Variants in CNTLN observed in about 807,000 individuals in gnomAD.
CNTLN encodes the protein centlein.
Under a neutral mutation model 180.0 loss-of-function variants are expected in CNTLN, and 212 were observed. The ratio of observed to expected loss-of-function variants is 1.18; its 90% CI spans 1.05 to 1.32. The LOEUF is 1.32. Among genes scored for constraint, CNTLN ranks in the 40% most tolerant of loss-of-function variants. The pLI, the probability that CNTLN is intolerant of heterozygous loss-of-function variation, is 0.00. For synonymous variants in CNTLN, 722 were observed against 563.1 expected (o/e 1.28, Z -3.99); for missense variants, 2,095 against 1,610.9 (o/e 1.30, Z -5.14).
intron 12 of CNTLN, among the ~76,000 whole-genome samples, chr9:17,360,736 G>T (rs978969752): frequency 6.6e-6 from 1 of 152,006 alleles, no homozygotes; most frequent in South Asian, 2.1e-4. Flanking sequence ...ACGTCCTTCT[G>T]GTATTTATTT....
chr9:17,519,085 G>GTTATTTATTTATTATTTATTTAT, the CNTLN span, among the ~76,000 whole-genome samples: 1 of 151,126 alleles, frequency 6.6e-6, no homozygotes, highest in African/African-American at 2.5e-5. Context: ...ACCAGGCCTA[G>GTTATTTATTTATTATTTATTTAT]TTATTTATTT....
chr9:17,213,984 C>G (rs754670171), intron 2 of CNTLN, among the ~76,000 whole-genome samples: 2 of 152,160 alleles, frequency 1.3e-5, no homozygotes, highest in African/African-American at 2.4e-5. Context: ...ATACAGCACA[C>G]TGATGGGTCT....
rs1433666001 is a variant in CNTLN at position 17,235,664 on chromosome 9, T to C, written c.541T>C (p.Ser181Pro). Residue 181 changes from serine (S) to proline (P), a missense_variant, in exon 4 of 26, where the codon TCA becomes CCA. Ser to Pro is a moderately conservative substitution (Grantham distance 74). Transcript: ENST00000380647. ...AKIQEFEQRE[S>P]VLKQEINDLV... ...TTTAAATTTTTTTCCACAGAGAGAG[T>C]CAGTACTGAAACAGGAAATAAATGA... 1 of 1,586,932 alleles carries C rather than the reference T, an allele frequency of 6.3e-7. No homozygotes were observed. Among genetic ancestry groups the C allele is most frequent in the South Asian group, 1.2e-5 (1 of 85,714 alleles).
intron 10 of CNTLN, among the ~76,000 whole-genome samples, chr9:17,340,441 A>G (rs1191306918): frequency 6.6e-6 from 1 of 152,184 alleles, no homozygotes; most frequent in Non-Finnish European, 1.5e-5. Context: ...TCTTATACTA[A>G]TTATATTTGC....
At chr9:17,282,170 C>T (rs1179128851) in intron 6 of CNTLN, among the ~76,000 whole-genome samples, 1 of 152,084 alleles carries the variant, frequency 6.6e-6, no homozygotes, top group Non-Finnish European at 1.5e-5. Context: ...ACCATGTTGG[C>T]CAGGATGGTC....
At chr9:17,209,769 A>G (rs999994065) in intron 2 of CNTLN, among the ~76,000 whole-genome samples, 18 of 152,284 alleles carry the variant, frequency 1.2e-4, no homozygotes, top group African/African-American at 4.3e-4. Flanking sequence ...ACTATAATTC[A>G]CCCATGACTT....
intron 6 of CNTLN, among the ~76,000 whole-genome samples, chr9:17,281,084 C>T (rs1373975637): frequency 6.6e-6 from 1 of 152,084 alleles, no homozygotes; most frequent in Non-Finnish European, 1.5e-5. Context: ...GTCCTTACAT[C>T]TTGGCTTTCT....
chr9:17,341,000 G>A (rs765891808), intron 11 of CNTLN, 52 bp downstream of exon 11: 52 of 1,533,418 alleles, frequency 3.4e-5, no homozygotes, highest in Non-Finnish European at 4.1e-5. Context: ...ATGGAATGGA[G>A]TAGCATTATA....
intron 5 of CNTLN, among the ~76,000 whole-genome samples, chr9:17,263,690 C>G (rs1056284278): frequency 2.1e-5 from 3 of 141,914 alleles, no homozygotes; most frequent in African/African-American, 8.3e-5. Context: ...TTCTGCACAT[C>G]CTCTCCAGCC....
intron 2 of CNTLN, among the ~76,000 whole-genome samples, chr9:17,217,908 G>A (rs1226233135): frequency 1.3e-5 from 2 of 152,054 alleles, no homozygotes; most frequent in Non-Finnish European, 2.9e-5. Flanking sequence ...TGTTGAATGA[G>A]TATCTGATAT....
At chr9:17,289,464 G>T (rs1304592554) in intron 6 of CNTLN, among the ~76,000 whole-genome samples, 5 of 133,162 alleles carry the variant, frequency 3.8e-5, no homozygotes, top group East Asian at 4.3e-4. Flanking sequence ...TTTCAACTTT[G>T]GTGAATCTGA....
chr9:17,402,138 G>C (rs190852655), intron 15 of CNTLN, among the ~76,000 whole-genome samples: 1 of 151,902 alleles, frequency 6.6e-6, no homozygotes, highest in African/African-American at 2.4e-5. Flanking sequence ...TGCGATTTCT[G>C]TTGACAACTG....
At chr9:17,443,281 A>G (rs1196016717) in intron 18 of CNTLN, among the ~76,000 whole-genome samples, 3 of 152,208 alleles carry the variant, frequency 2.0e-5, no homozygotes. Context: ...ACAAATTACT[A>G]TAATTAGTAA....
At chr9:17,233,708 T>C (rs910159241) in intron 3 of CNTLN, among the ~76,000 whole-genome samples, 5 of 147,418 alleles carry the variant, frequency 3.4e-5, no homozygotes, top group Non-Finnish European at 7.4e-5. Context: ...ACTAATACTG[T>C]ACATCAAGAA....
intron 2 of CNTLN, among the ~76,000 whole-genome samples, chr9:17,175,618 A>G (rs962891974): frequency 1.3e-5 from 2 of 152,090 alleles, no homozygotes; most frequent in African/African-American, 4.8e-5. Context: ...ATTGTTTTAG[A>G]TATTTCAGTC....
chr9:17,166,360 A>G (rs1343557310), intron 2 of CNTLN, among the ~76,000 whole-genome samples: 1 of 152,278 alleles, frequency 6.6e-6, no homozygotes, highest in South Asian at 2.1e-4. Flanking sequence ...AGCAAAAGGA[A>G]AAGAATAAGA....
At chr9:17,149,848 A>G (rs1818732764) in intron 2 of CNTLN, among the ~76,000 whole-genome samples, 1 of 152,100 alleles carries the variant, frequency 6.6e-6, no homozygotes, top group Non-Finnish European at 1.5e-5. Context: ...TCACAATTCT[A>G]ACTGGCGTGA....
At chr9:17,514,512 A>C in the CNTLN span, among the ~76,000 whole-genome samples, 1 of 152,208 alleles carries the variant, frequency 6.6e-6, no homozygotes, top group South Asian at 2.1e-4. Context: ...AAGTGATGGT[A>C]TGAAACAAGG....
chr9:17,496,743 C>G (rs72709728), intron 25 of CNTLN, among the ~76,000 whole-genome samples: 3 of 152,150 alleles, frequency 2.0e-5, no homozygotes, highest in Admixed American at 2.0e-4. Context: ...AAAAGGGACT[C>G]CTTGTTAACA....
Sources: allele counts gnomAD v4.1 joint callset (sites outside exome capture counted in the v4.1 genomes callset), GRCh38; gene constraint gnomAD v4.1.1; transcripts MANE v1.5; gene names NCBI Gene and HGNC (gene_info 2026-07-23, HGNC 2026-07-21).